MMP21: variants seen among roughly 807,000 people sequenced by gnomAD.
MMP21 encodes matrix metalloproteinase-21.
A neutral mutation model predicts 47.8 loss-of-function variants in MMP21; 40 were observed. The ratio of observed to expected loss-of-function variants is 0.84; its 90% CI spans 0.65 to 1.09. The LOEUF (loss-of-function observed/expected upper bound fraction) is 1.09. Among genes scored for constraint, MMP21 ranks in the 50% least tolerant of loss-of-function variants. The pLI, the probability that MMP21 is intolerant of heterozygous loss-of-function variation, is 0.00. For missense variants in MMP21, 747 were observed against 775.3 expected (o/e 0.96, Z 0.43); for synonymous variants, 341 against 318.0 (o/e 1.07, Z -0.77).
Position 125,772,406 on chromosome 10 carries a change from G to A in MMP21, c.838-47C>T. On this transcript the variant is annotated intron_variant, in intron 3 of 6. Coordinates refer to ENST00000368808, the MANE Select transcript of MMP21 (RefSeq NM_147191.1). The surrounding 1 kb of genome is among the most constrained non-coding windows in gnomAD (Gnocchi z 5.6). ...GGGTGCTGGGTGAAGCCTGGGCGAT[G>A]GATCCCTGCATAACAGACGCAGGCC... is the stretch of plus-strand genomic sequence containing the variant. The A allele has an allele frequency of 6.2e-7, 1 of 1,611,232 alleles. No individual in the cohort carries two copies. Among genetic ancestry groups the A allele is most frequent in the Non-Finnish European group, 8.5e-7 (1 of 1,178,528 alleles).
Position 125,774,270 on chromosome 10 carries a change from G to A in MMP21, c.258C>T (p.Ala86=). 5 of 1,414,832 alleles carry A rather than the reference G, an allele frequency of 3.5e-6. No homozygotes were observed. The highest frequency in any genetic ancestry group is 3.0e-5 in the East Asian group (1 of 33,000). 87.6% of individuals were successfully genotyped at this position (1,414,832 alleles called of 1,614,324 possible). A position where few individuals can be genotyped will look rare whatever the true frequency, so the allele number is the denominator to read the frequency against. The change falls in exon 2 of 7, where the codon GCC becomes GCT. Residue 86 remains alanine (A), a synonymous_variant. Transcript: ENST00000368808. ...CCCGCTGGAACCTGCGCACCGCCTC[G>A]GCCAGGGCGGCGCCCTTGGGGGTCT... ...PPETPKGAAL[A]EAVRRFQRAN...
Position 125,773,922 on chromosome 10 carries a change from G to T in MMP21, c.606C>A (p.Phe202Leu). The T allele has an allele frequency of 6.3e-7, 1 of 1,584,754 alleles. No homozygotes were observed. The highest frequency in any genetic ancestry group is 2.3e-5 in the East Asian group (1 of 43,100). Residue 202 changes from phenylalanine (F) to leucine (L), a missense_variant, in exon 2 of 7, where the codon TTC becomes TTA. Transcript: ENST00000368808. The surrounding 1 kb of genome is among the most constrained non-coding windows in gnomAD (Gnocchi z 4.8). ...GCGGCGTCACCTCGCTCCACATCCT[G>T]AAGGCCAGCGCCACAATGCGCCGCT... ...ADQRRIVALA[F>L]RMWSEVTPLD... is the part of the protein sequence containing the mutation.
In MMP21 at chr10:125,774,160, C is replaced by A. The variant is rs1850488294; in HGVS notation, c.368G>T (p.Arg123Leu). Reference protein sequence around the residue: ...NRPRCGVPDMRPPPPSAPPSP... With the variant: ...NRPRCGVPDMLPPPPSAPPSP... ...AGGCGGGGCGGAGGGGGGCGGTGGGCGCATGTCCGGGACCCCGCAGCGCGG... is the reference window on the plus strand; with the variant it reads ...AGGCGGGGCGGAGGGGGGCGGTGGGAGCATGTCCGGGACCCCGCAGCGCGG... The change falls in exon 2 of 7, where the codon CGC becomes CTC. Residue 123 changes from arginine to leucine, a missense_variant. Coordinates refer to ENST00000368808, the MANE Select transcript of MMP21 (RefSeq NM_147191.1). 1.6e-6 allele frequency: 2 copies of A among 1,274,354 alleles called. No homozygotes were observed. Among genetic ancestry groups the A allele is most frequent in the African/African-American group, 1.6e-5 (1 of 63,618 alleles). 78.9% of individuals were successfully genotyped at this position (1,274,354 alleles called of 1,614,324 possible).
rs1425834978 is a variant in MMP21, at chr10:125,772,328, C to T, written c.869G>A (p.Gly290Asp). The change falls in exon 4 of 7, where the codon GGC becomes GAC. Residue 290 changes from glycine to aspartate, a missense_variant. Coordinates refer to ENST00000368808, the MANE Select transcript of MMP21 (RefSeq NM_147191.1). This position sits in a 1 kb window ranked among gnomAD's most constrained non-coding sequence, Gnocchi z 5.6. ...TCCCGTCCTGTAGGTGTGAGGCAAG[C>T]CCAGGACATGGCCAATTTCATGGAC... ...VAVHEIGHVLGLPHTYRTGSI... is the reference protein window; with the variant it reads ...VAVHEIGHVLDLPHTYRTGSI... The T allele has an allele frequency of 1.2e-6, 2 of 1,613,998 alleles. No individual in the cohort carries two copies. Among genetic ancestry groups the T allele is most frequent in the Admixed American group, 1.7e-5 (1 of 59,996 alleles).
chr10:125,770,343 A>T lies in MMP21; in HGVS notation c.1228T>A (p.Phe410Ile). The change falls in exon 5 of 7, where the codon TTT becomes ATT. Residue 410 changes from phenylalanine (F) to isoleucine (I), a missense_variant. Physicochemically the swap from Phe to Ile is conservative, Grantham distance 21 (BLOSUM62 0). Transcript: ENST00000368808. ...CATGAAGAATCTGTACCTTGAAAAA[A>T]ATAACGTTCATCTCTTTTCCATGTC... The part of the protein sequence containing the change: ...IWTWKRDERY[F>I]FQGNQYWRYD... The T allele has an allele frequency of 7.4e-6, 12 of 1,614,192 alleles. No homozygotes were observed. The highest frequency in any genetic ancestry group is 9.3e-6 in the Non-Finnish European group (11 of 1,180,014).
intron 4 of MMP21, among the ~76,000 whole-genome samples, chr10:125,771,624 G>A (rs542598469): frequency 5.5e-4 from 83 of 152,074 alleles, no homozygotes; most frequent in Non-Finnish European, 9.9e-4. Context: ...GGCTGGTCTC[G>A]AACTTCTGAC....
intron 5 of MMP21, among the ~76,000 whole-genome samples, chr10:125,769,140 G>T (rs1850417231): frequency 6.6e-6 from 1 of 152,204 alleles, no homozygotes; most frequent in East Asian, 1.9e-4. Flanking sequence ...ATCGGACTCT[G>T]TGCTGTCTGG....
intron 1 of MMP21, among the ~76,000 whole-genome samples, chr10:125,774,638 G>A (rs914330650): frequency 2.0e-5 from 3 of 152,228 alleles, no homozygotes; most frequent in African/African-American, 7.2e-5. Context: ...CTGAGTGCGG[G>A]CCCTGGATGG....
rs28381320 is a variant in MMP21, at chr10:125,767,424, C to T, written c.1410+108G>A. The T allele has an allele frequency of 7.6e-3, 8,404 of 1,112,764 alleles. 397 individuals carry two copies. In the African/African-American group the frequency reaches 0.11, roughly 14 times the overall value. The allele number at this position is 1,112,764 out of a possible 1,614,324, so 68.9% of individuals were successfully genotyped here. A position where few individuals can be genotyped will look rare whatever the true frequency, so the allele number is the denominator to read the frequency against. On this transcript the variant is annotated intron_variant, in intron 6 of 6. Coordinates refer to ENST00000368808, the MANE Select transcript of MMP21 (RefSeq NM_147191.1). ...CCCAAAGTGCGGGATTACAGGCATG[C>T]GCCACTGTGGCAGGCCAAGTACAGC...
chr10:125,773,797 G>T lies in MMP21; in HGVS notation c.697+34C>A. ...GTGCGCCGGGGTCCCCGAGGGGCTGGGTCGGGCAGGCAGGGAGCCCGGGGT... is the reference window on the plus strand; with the variant it reads ...GTGCGCCGGGGTCCCCGAGGGGCTGTGTCGGGCAGGCAGGGAGCCCGGGGT... On this transcript the variant is annotated intron_variant, in intron 2 of 6. Transcript: ENST00000368808. This position sits in a 1 kb window ranked among gnomAD's most constrained non-coding sequence, Gnocchi z 4.8. The T allele has an allele frequency of 6.8e-7, 1 of 1,468,864 alleles. No individual in the cohort carries two copies. The highest frequency in any genetic ancestry group is 9.0e-7 in the Non-Finnish European group (1 of 1,115,104). 91.0% of individuals were successfully genotyped at this position (1,468,864 alleles called of 1,614,324 possible). A position where few individuals can be genotyped will look rare whatever the true frequency, so the allele number is the denominator to read the frequency against.
At position 125,772,505 on chromosome 10, in the gene MMP21, C is replaced by T. The variant is rs926489560; in HGVS notation, c.837+106G>A. 7.0e-6 allele frequency: 11 copies of T among 1,580,668 alleles called. No individual in the cohort carries two copies. The highest frequency in any genetic ancestry group is 1.7e-4 in the Middle Eastern group (1 of 5,742). On this transcript the variant is annotated intron_variant, in intron 3 of 6. Coordinates refer to ENST00000368808, the MANE Select transcript of MMP21 (RefSeq NM_147191.1). This position sits in a 1 kb window ranked among gnomAD's most constrained non-coding sequence, Gnocchi z 5.6. The stretch of plus-strand genomic sequence containing the variant: ...CTGGGGAGCCATTCCACGGATTCAC[C>T]TCCTCAGAGGTTGCGGACACTACAT...
chr10:125,775,225 G>A (rs1233620754), intron 1 of MMP21, among the ~76,000 whole-genome samples: 1 of 152,208 alleles, frequency 6.6e-6, no homozygotes, highest in East Asian at 1.9e-4. Flanking sequence ...TGAAGTCCAC[G>A]GATGCCACCC....
intron 5 of MMP21, among the ~76,000 whole-genome samples, chr10:125,769,542 C>G (rs775191265): frequency 9.2e-5 from 14 of 152,206 alleles, no homozygotes; most frequent in Non-Finnish European, 2.1e-4. Context: ...TCTCTGACCA[C>G]TTCCATGCCC....
chr10:125,770,517 CCAT>C lies in MMP21; in HGVS notation c.1051_1053del (p.Met351del). 6.2e-7 allele frequency: 1 copy of C among 1,614,138 alleles called. No homozygotes were observed. The highest frequency in any genetic ancestry group is 8.5e-7 in the Non-Finnish European group (1 of 1,180,028). ...CGGAAGAAATATGTGCTAAATCTCACCATCACCTCTCCATATTGGTTTCTCTCT... is the reference window on the plus strand; with the variant it reads ...CGGAAGAAATATGTGCTAAATCTCACCACCTCTCCATATTGGTTTCTCTCT... On this transcript the variant is annotated inframe_deletion, in exon 5 of 7. Transcript: ENST00000368808.
chr10:125,774,462 A>G, intron 1 of MMP21, 97 bp from the exon 2 acceptor site: 1 of 738,562 alleles, frequency 1.4e-6, no homozygotes, highest in Non-Finnish European at 1.9e-6. Context: ...ACATGGGGAT[A>G]GAGACAGAGA....
rs1589893873 is a variant in MMP21, at chr10:125,772,823, T to C, written c.698-73A>G. The C allele has an allele frequency of 1.3e-6, 2 of 1,549,024 alleles. No individual in the cohort carries two copies. Among genetic ancestry groups the C allele is most frequent in the Non-Finnish European group, 1.8e-6 (2 of 1,141,636 alleles). Reference sequence around the variant, plus strand: ...CCATACAGACTCCTCACCTAGGGGGTCCCCAGCCTCCAGGAGCCGGCAGCA... The same window carrying C: ...CCATACAGACTCCTCACCTAGGGGGCCCCCAGCCTCCAGGAGCCGGCAGCA... On this transcript the variant is annotated intron_variant, in intron 2 of 6. Transcript: ENST00000368808. This position sits in a 1 kb window ranked among gnomAD's most constrained non-coding sequence, Gnocchi z 5.6.
chr10:125,774,024 G>C lies in MMP21; in HGVS notation c.504C>G (p.Ala168=). 1.3e-6 allele frequency: 2 copies of C among 1,515,862 alleles called. No homozygotes were observed. The highest frequency in any genetic ancestry group is 1.2e-5 in the South Asian group (1 of 82,420). The allele number at this position is 1,515,862 out of a possible 1,614,324, so 93.9% of individuals were successfully genotyped here. Residue 168 remains alanine, a synonymous_variant, in exon 2 of 7, where the codon GCC becomes GCG. Coordinates refer to ENST00000368808, the MANE Select transcript of MMP21 (RefSeq NM_147191.1). The part of the protein sequence containing the change: ...QPRGYPDGGA[A]QAFSKRTLSW... ...TCAGCGTCCTCTTGGAGAAGGCCTG[G>C]GCAGCTCCGCCGTCGGGGTAGCCCC...
chr10:125,769,134 G>C (rs1850417158), intron 5 of MMP21, among the ~76,000 whole-genome samples: 2 of 152,178 alleles, frequency 1.3e-5, no homozygotes, highest in African/African-American at 4.8e-5. Flanking sequence ...TTTATGATCG[G>C]ACTCTGTGCT....
Position 125,773,082 on chromosome 10 carries a change from G to A in MMP21, c.698-332C>T, listed in dbSNP as rs1166762977. ...CCGGATCCTCGCCTCTGCGGAGGTC[G>A]TGAAATATTGAAAGCTGGGTCCCTT... On this transcript the variant is annotated intron_variant, in intron 2 of 6. Coordinates refer to ENST00000368808, the MANE Select transcript of MMP21 (RefSeq NM_147191.1). The surrounding 1 kb of genome is among the most constrained non-coding windows in gnomAD (Gnocchi z 4.8). Among the ~76,000 whole-genome samples the A allele has an allele frequency of 2.6e-5, 4 of 152,326 alleles. No individual in the cohort carries two copies. Among genetic ancestry groups the A allele is most frequent in the East Asian group, 1.9e-4 (1 of 5,172 alleles).
Sources: gnomAD v4.1 joint callset for allele counts (sites outside exome capture counted in the v4.1 genomes callset) on GRCh38, gnomAD v4.1.1 for gene constraint, Gnocchi (gnomAD v3.1) non-coding constraint, MANE v1.5 for transcripts, NCBI Gene and HGNC (gene_info 2026-07-23, HGNC 2026-07-21) for gene names.